The following FBXO21 variants were observed in gnomAD, a reference collection of about 807,000 sequenced individuals.
FBXO21 encodes the protein F-box protein 21.
Under a neutral mutation model 76.6 loss-of-function variants are expected in FBXO21, and 32 were observed. The ratio of observed to expected loss-of-function variants is 0.42; its 90% CI spans 0.32 to 0.56. The LOEUF is 0.56. FBXO21 is among the 20% of genes least tolerant of loss of function. FBXO21 has a pLI of 0.16. For missense variants in FBXO21, 586 were observed against 797.3 expected (o/e 0.73, Z 3.19); for synonymous variants, 328 against 311.5 (o/e 1.05, Z -0.56).
chr12:117,162,276 TGC>T (rs1955988249), intron 9 of FBXO21, among the ~76,000 whole-genome samples: 1 of 151,942 alleles, frequency 6.6e-6, no homozygotes, highest in Non-Finnish European at 1.5e-5. Flanking sequence ...AAGGAGAAGG[TGC>T]CTGTGTGCTG....
At chr12:117,155,065 TCATTTTTATTA>T (rs1955894963) in intron 11 of FBXO21, 1 of 152,278 alleles carries the variant, frequency 6.6e-6, no homozygotes, top group Admixed American at 6.5e-5. Flanking sequence ...GCATTCACAT[TCATTTTTATTA>T]ATAAATGTGA....
intron 2 of FBXO21, 137 bp from the exon 3 acceptor site, chr12:117,186,708 C>T (rs1274198238): frequency 1.7e-6 from 1 of 574,500 alleles, no homozygotes; most frequent in East Asian, 2.9e-5. Flanking sequence ...CTTGCACTAC[C>T]AGTCATGGGT....
chr12:117,149,175 T>C (rs2135843976), intron 11 of FBXO21, among the ~76,000 whole-genome samples: 1 of 152,274 alleles, frequency 6.6e-6, no homozygotes, highest in Admixed American at 6.5e-5. Context: ...TTTTCTTTTC[T>C]TTTTTGTAGA....
chr12:117,178,931 T>C (rs930469114), intron 3 of FBXO21, among the ~76,000 whole-genome samples: 2 of 152,218 alleles, frequency 1.3e-5, no homozygotes, highest in Non-Finnish European at 2.9e-5. Flanking sequence ...TTCACTGCTG[T>C]ATCCCTAGTG....
chr12:117,148,994 C>T (rs1955809543), intron 11 of FBXO21, among the ~76,000 whole-genome samples: 1 of 152,154 alleles, frequency 6.6e-6, no homozygotes, highest in South Asian at 2.1e-4. Flanking sequence ...TTTCAAAATG[C>T]CACTGGCTAA....
At chr12:117,152,238 G>A (rs779834460) in intron 11 of FBXO21, among the ~76,000 whole-genome samples, 11 of 152,140 alleles carry the variant, frequency 7.2e-5, no homozygotes, top group South Asian at 2.1e-4. Flanking sequence ...AGGCTGAAGC[G>A]GGCAGAATGC....
At chr12:117,155,701 G>A (rs1411704658) in intron 11 of FBXO21, 90 bp downstream of exon 11, 12 of 1,397,652 alleles carry the variant, frequency 8.6e-6, no homozygotes, top group Non-Finnish European at 1.2e-5. Flanking sequence ...GGAACCGATG[G>A]CCCACGCCCA....
In FBXO21 at chr12:117,144,307, C is replaced by T. The variant is rs2135837101; in HGVS notation, c.*1780G>A. The T allele has an allele frequency of 6.6e-6, 1 of 152,330 alleles. No individual in the cohort carries two copies. Among genetic ancestry groups the T allele is most frequent in the East Asian group, 1.9e-4 (1 of 5,188 alleles). 9.4% of individuals were successfully genotyped at this position (152,330 alleles called of 1,614,324 possible). ...TGAAAGTAGTGTACAATCCTCCCAA[C>T]CTTGGCGGGCCAGGTGCTGTGAGTG... On this transcript the variant is annotated 3_prime_UTR_variant, in exon 12 of 12. Coordinates refer to ENST00000622495, the MANE Select transcript of FBXO21 (RefSeq NM_015002.3).
intron 7 of FBXO21, among the ~76,000 whole-genome samples, chr12:117,171,942 C>T (rs1033839143): frequency 7.2e-5 from 11 of 152,186 alleles, no homozygotes; most frequent in South Asian, 2.1e-4. Flanking sequence ...CTCTAAAATT[C>T]TCATCAGTCA....
intron 10 of FBXO21, among the ~76,000 whole-genome samples, chr12:117,157,211 G>C (rs1208349113): frequency 6.6e-6 from 1 of 151,008 alleles, no homozygotes; most frequent in Non-Finnish European, 1.5e-5. Flanking sequence ...AAAAAGAAAA[G>C]AAAAATGAAA....
At chr12:117,179,373 AC>A (rs755870875) in intron 3 of FBXO21, among the ~76,000 whole-genome samples, 3 of 152,288 alleles carry the variant, frequency 2.0e-5, no homozygotes, top group Non-Finnish European at 4.4e-5. Context: ...CTTTAGTATT[AC>A]CATGAAATAT....
chr12:117,159,173 C>T (rs1395805618), intron 9 of FBXO21, among the ~76,000 whole-genome samples: 1 of 152,198 alleles, frequency 6.6e-6, no homozygotes, highest in Non-Finnish European at 1.5e-5. Flanking sequence ...CAGACTGCGA[C>T]GTGCTGGACC....
intron 6 of FBXO21, among the ~76,000 whole-genome samples, chr12:117,173,880 A>G (rs1457272565): frequency 2.0e-5 from 3 of 152,202 alleles, no homozygotes; most frequent in Non-Finnish European, 2.9e-5. Flanking sequence ...ACAGTGGCTC[A>G]CACCTATAAT....
intron 11 of FBXO21, among the ~76,000 whole-genome samples, chr12:117,151,322 T>C (rs1305886518): frequency 6.8e-6 from 1 of 146,974 alleles, no homozygotes; most frequent in Non-Finnish European, 1.5e-5. Flanking sequence ...ACATGCAAGA[T>C]GCCGGACATC....
chr12:117,177,449 C>T (rs1234919360), intron 4 of FBXO21, 71 bp downstream of exon 4: 20 of 1,477,462 alleles, frequency 1.4e-5, no homozygotes, highest in Non-Finnish European at 1.8e-5. Flanking sequence ...ACAATTCCCT[C>T]TGCTGGTCTT....
chr12:117,167,762 A>T (rs1350820091), intron 7 of FBXO21, among the ~76,000 whole-genome samples: 1 of 148,032 alleles, frequency 6.8e-6, no homozygotes, highest in Non-Finnish European at 1.5e-5. Flanking sequence ...AAAAAAAAAA[A>T]GTTACAGCAC....
At chr12:117,176,319 G>A (rs1326600838) in intron 4 of FBXO21, among the ~76,000 whole-genome samples, 1 of 152,154 alleles carries the variant, frequency 6.6e-6, no homozygotes, top group Admixed American at 6.5e-5. Context: ...AGGGGGAGTA[G>A]GATTTTCAAG....
In FBXO21 at chr12:117,146,019, C is replaced by T. The variant is rs1593053220; in HGVS notation, c.*68G>A. 6 of 1,374,306 alleles carry T rather than the reference C, an allele frequency of 4.4e-6. No homozygotes were observed. In the East Asian group the frequency reaches 7.2e-5, roughly 16 times the overall value. 85.1% of individuals were successfully genotyped at this position (1,374,306 alleles called of 1,614,324 possible). A position where few individuals can be genotyped will look rare whatever the true frequency, so the allele number is the denominator to read the frequency against. ...GGTCCCGAGGGCTCCGTGGAGACGT[C>T]TTCTTCCGGAGTCCCGTTCTCTTGG... is the stretch of plus-strand genomic sequence containing the variant. On this transcript the variant is annotated 3_prime_UTR_variant, in exon 12 of 12. Transcript: ENST00000622495.
chr12:117,152,780 GGTC>G (rs1955859396), intron 11 of FBXO21, among the ~76,000 whole-genome samples: 1 of 152,160 alleles, frequency 6.6e-6, no homozygotes, highest in Non-Finnish European at 1.5e-5. Context: ...GACATAATTA[GGTC>G]ATGTCTGCAA....
Sources: gnomAD v4.1 joint callset for allele counts (sites outside exome capture counted in the v4.1 genomes callset) on GRCh38, gnomAD v4.1.1 for gene constraint, MANE v1.5 for transcripts, NCBI Gene and HGNC (gene_info 2026-07-23, HGNC 2026-07-21) for gene names.